MORC2: variants seen among roughly 807,000 people sequenced by gnomAD.
The protein encoded by MORC2 is ATPase MORC2.
In MORC2, 30 loss-of-function variants were observed where a neutral mutation model predicts 136.0. The observed-to-expected ratio is 0.22, with a 90% CI of 0.17 to 0.30. The LOEUF is 0.30. Ranked by LOEUF, MORC2 falls within the 10% of genes least tolerant of loss-of-function variation. The pLI is 1.00. For synonymous variants in MORC2, 439 were observed against 487.0 expected, an observed-to-expected ratio of 0.90 and a Z score of 1.30; for missense variants, 922 against 1,333.1, an observed-to-expected ratio of 0.69 and a Z score of 4.80.
rs1253584932 is a variant in MORC2, at chr22:30,967,959, C to G, written c.-70G>C. On this transcript the variant is annotated 5_prime_UTR_variant, in exon 1 of 26. Coordinates refer to ENST00000397641, the MANE Select transcript of MORC2 (RefSeq NM_001303256.3). ...ATAACCTTATAATGATATCGATTTC[C>G]CAGGATTCTGTCCAGTAAAGCTTCA... is the stretch of plus-strand genomic sequence containing the variant. 2.4e-5 allele frequency: 32 copies of G among 1,336,850 alleles called. No individual in the cohort carries two copies. Among genetic ancestry groups the G allele is most frequent in the Non-Finnish European group, 3.1e-5 (30 of 953,142 alleles). 82.8% of individuals were successfully genotyped at this position (1,336,850 alleles called of 1,614,324 possible). A position where few individuals can be genotyped will look rare whatever the true frequency, so the allele number is the denominator to read the frequency against.
chr22:30,966,680 A>G (rs2041133258), intron 1 of MORC2, among the ~76,000 whole-genome samples: 1 of 152,160 alleles, frequency 6.6e-6, no homozygotes, highest in Non-Finnish European at 1.5e-5. Context: ...TGGGAAGCTG[A>G]GGCAGGAGAA....
intron 1 of MORC2, chr22:30,966,955 A>T: frequency 3.7e-6 from 1 of 269,628 alleles, no homozygotes; most frequent in Non-Finnish European, 5.7e-6. Context: ...TTGTACTATT[A>T]CTACATAATG....
At chr22:30,960,967 G>A (rs1488402994) in intron 1 of MORC2, among the ~76,000 whole-genome samples, 1 of 151,934 alleles carries the variant, frequency 6.6e-6, no homozygotes, top group Non-Finnish European at 1.5e-5. Flanking sequence ...CAGGGTTCAA[G>A]CAATTCTTCT....
At chr22:30,950,470 C>T (rs756332874) in intron 3 of MORC2, 25 bp from the exon 4 acceptor site, 26 of 1,610,458 alleles carry the variant, frequency 1.6e-5, no homozygotes, top group Non-Finnish European at 2.2e-5. Context: ...GCTGCCATTA[C>T]TGGGCCGTTA....
chr22:30,961,718 G>A (rs1253881100), intron 1 of MORC2, among the ~76,000 whole-genome samples: 1 of 152,184 alleles, frequency 6.6e-6, no homozygotes, highest in Non-Finnish European at 1.5e-5. Flanking sequence ...AGTGAGAATG[G>A]TCAATCTGAA....
Position 30,932,529 on chromosome 22 carries a change from C to A in MORC2, c.2747+16G>T, listed in dbSNP as rs376197429. 43 of 1,613,630 alleles carry A rather than the reference C, an allele frequency of 2.7e-5. No homozygotes were observed. The highest frequency in any genetic ancestry group is 3.3e-5 in the Non-Finnish European group (39 of 1,179,814). On this transcript the variant is annotated intron_variant, in intron 23 of 25. Transcript: ENST00000397641. This position sits in a 1 kb window ranked among gnomAD's most constrained non-coding sequence, Gnocchi z 4.4. ...TGCTGCTGGCCCTGGGGTGGGAAGACAAAAGACACATGTACCGGAGGATCT... is the reference window on the plus strand; with the variant it reads ...TGCTGCTGGCCCTGGGGTGGGAAGAAAAAAGACACATGTACCGGAGGATCT...
intron 1 of MORC2, chr22:30,967,195 C>G (rs1404099880): frequency 1.0e-6 from 1 of 985,404 alleles, no homozygotes; most frequent in Non-Finnish European, 1.2e-6. Flanking sequence ...GATTAGATTA[C>G]TCCTTCATGA....
intron 16 of MORC2, 97 bp from the exon 17 acceptor site, chr22:30,936,740 GCAACCACCT>G: frequency 6.7e-7 from 1 of 1,492,936 alleles, no homozygotes; most frequent in Non-Finnish European, 9.1e-7. Flanking sequence ...TGTCACAAGA[GCAACCACCT>G]CAGAGTTCCC....
rs752627690 is a variant in MORC2 at position 30,936,502 on chromosome 22, C to T, written c.1737+9G>A. 3 of 1,613,854 alleles carry T rather than the reference C, an allele frequency of 1.9e-6. No individual in the cohort carries two copies. Among genetic ancestry groups the T allele is most frequent in the East Asian group, 2.2e-5 (1 of 44,886 alleles). ...GGCTGGCTTTGCCCACTGACCATGA[C>T]CCACGTACCTGAAGGGCCTCCAGCT... On this transcript the variant is annotated intron_variant, in intron 17 of 25. Transcript: ENST00000397641.
In MORC2 at chr22:30,934,272, G is replaced by A; in HGVS notation, c.2194-81C>T. On this transcript the variant is annotated intron_variant, in intron 19 of 25. Transcript: ENST00000397641. The surrounding 1 kb of genome is among the most constrained non-coding windows in gnomAD (Gnocchi z 4.4). ...GGAAGATTTCATCTAGCCTAAAGGA[G>A]TCGTTCCAAGAGGAGCTGTACTCCC... 3.8e-6 allele frequency: 6 copies of A among 1,577,836 alleles called. No homozygotes were observed. The highest frequency in any genetic ancestry group is 5.2e-6 in the Non-Finnish European group (6 of 1,159,554).
chr22:30,959,486 T>C (rs2041012576), intron 1 of MORC2, among the ~76,000 whole-genome samples: 1 of 152,256 alleles, frequency 6.6e-6, no homozygotes, highest in African/African-American at 2.4e-5. Context: ...TGAGTTTCCT[T>C]TCTTCACTGG....
intron 10 of MORC2, among the ~76,000 whole-genome samples, 166 bp from the exon 11 acceptor site, chr22:30,940,207 C>T (rs112449688): frequency 5.9e-5 from 9 of 151,694 alleles, no homozygotes; most frequent in Admixed American, 2.0e-4. Flanking sequence ...TGTGCCTGGA[C>T]GGCAGTCAGT....
At chr22:30,940,478 C>T (rs2040726907) in intron 10 of MORC2, among the ~76,000 whole-genome samples, 1 of 152,072 alleles carries the variant, frequency 6.6e-6, no homozygotes, top group South Asian at 2.1e-4. Flanking sequence ...AGTATTTGCA[C>T]CAGAGAACTC....
chr22:30,936,892 G>C, intron 16 of MORC2, 40 bp downstream of exon 16: 1 of 1,571,374 alleles, frequency 6.4e-7, no homozygotes, highest in Non-Finnish European at 8.8e-7. Context: ...GGGCAGGGGA[G>C]AAAAGTACCC....
At chr22:30,966,594 T>C (rs1212940361) in intron 1 of MORC2, among the ~76,000 whole-genome samples, 2 of 151,990 alleles carry the variant, frequency 1.3e-5, no homozygotes, top group Non-Finnish European at 2.9e-5. Context: ...GGCCAACATA[T>C]AGTGAAACCC....
At position 30,926,550 on chromosome 22, in the gene MORC2, CAAAAAAAAAAAAAAAAAAAA is replaced by C. The variant is rs60514280; in HGVS notation, c.*233_*252del. ...AAGGTTCTCTGTCCTTTGCAGTCAC[CAAAAAAAAAAAAAAAAAAAA>C]AAAAAAAAAAAAAAAAGTATGGTCT... On this transcript the variant is annotated 3_prime_UTR_variant, in exon 26 of 26. Coordinates refer to ENST00000397641, the MANE Select transcript of MORC2 (RefSeq NM_001303256.3). The C allele has an allele frequency of 8.0e-3, 205 of 25,786 alleles. 3 individuals are homozygous for C. The East Asian group carries it at 0.083, about 10-fold the overall frequency. 1.6% of individuals were successfully genotyped at this position (25,786 alleles called of 1,614,324 possible).
intron 17 of MORC2, among the ~76,000 whole-genome samples, 155 bp from the exon 18 acceptor site, chr22:30,935,477 A>T (rs914231616): frequency 2.0e-5 from 3 of 152,220 alleles, no homozygotes; most frequent in African/African-American, 7.2e-5. Flanking sequence ...GGAGACACAA[A>T]ATACATAAAT....
Position 30,926,714 on chromosome 22 carries a change from C to A in MORC2, c.*89G>T. 1 of 1,034,078 alleles carries A rather than the reference C, an allele frequency of 9.7e-7. No individual in the cohort carries two copies. 64.1% of individuals were successfully genotyped at this position (1,034,078 alleles called of 1,614,324 possible). A position where few individuals can be genotyped will look rare whatever the true frequency, so the allele number is the denominator to read the frequency against. On this transcript the variant is annotated 3_prime_UTR_variant, in exon 26 of 26. Coordinates refer to ENST00000397641, the MANE Select transcript of MORC2 (RefSeq NM_001303256.3). The stretch of plus-strand genomic sequence containing the variant: ...GTCCCGTGTAAGTCAAACCAAGGTG[C>A]GACCACCAACCCATGAATGAAGTCC...
At chr22:30,935,364 G>A (rs762320054) in intron 17 of MORC2, 42 bp from the exon 18 acceptor site, 4 of 1,585,114 alleles carry the variant, frequency 2.5e-6, no homozygotes, top group Middle Eastern at 1.7e-4. Flanking sequence ...GCATATTTTA[G>A]TATACTTGAG....
Sources: allele counts gnomAD v4.1 joint callset (sites outside exome capture counted in the v4.1 genomes callset), GRCh38; gene constraint gnomAD v4.1.1; non-coding constraint Gnocchi (gnomAD v3.1); transcripts MANE v1.5; gene names NCBI Gene and HGNC (gene_info 2026-07-23, HGNC 2026-07-21).